VWC2: variants seen among roughly 807,000 people sequenced by gnomAD.
VWC2 encodes the protein von Willebrand factor C domain containing 2.
Under a neutral mutation model 29.8 loss-of-function variants are expected in VWC2, and 14 were observed. That is an observed-to-expected ratio of 0.47 (90% CI 0.31 to 0.74). The LOEUF is 0.74. Ranked by LOEUF, VWC2 falls within the 30% of genes least tolerant of loss-of-function variation. VWC2 has a pLI of 0.05. For synonymous variants in VWC2, 213 were observed against 199.0 expected, an observed-to-expected ratio of 1.07 and a Z score of -0.59; for missense variants, 457 against 459.8, an observed-to-expected ratio of 0.99 and a Z score of 0.05.
In VWC2 at chr7:49,782,210, T is replaced by G. The variant is rs142169321; in HGVS notation, c.696+6079T>G. Among the ~76,000 whole-genome samples, 427 of 152,308 alleles carry G rather than the reference T, an allele frequency of 2.8e-3. 4 individuals are homozygous for G. Among genetic ancestry groups the G allele is most frequent in the African/African-American group, 1.0e-2 (415 of 41,566 alleles). On this transcript the variant is annotated intron_variant, in intron 2 of 3. Coordinates refer to ENST00000340652, the MANE Select transcript of VWC2 (RefSeq NM_198570.5). Reference sequence around the variant, plus strand: ...TGCCCCTTTGGGAGGGCATTTGTTTTCCAGCTGACCACACCCCCCTTGCAG... The same window carrying G: ...TGCCCCTTTGGGAGGGCATTTGTTTGCCAGCTGACCACACCCCCCTTGCAG...
At chr7:49,820,049 T>C (rs914803815) in intron 3 of VWC2, among the ~76,000 whole-genome samples, 12 of 113,364 alleles carry the variant, frequency 1.1e-4, no homozygotes, top group African/African-American at 1.6e-4. Context: ...TAAAGTGAGA[T>C]TAGAAACACC....
At chr7:49,891,572 G>A (rs1315979294) in intron 3 of VWC2, among the ~76,000 whole-genome samples, 3 of 152,044 alleles carry the variant, frequency 2.0e-5, no homozygotes, top group African/African-American at 4.8e-5. Flanking sequence ...GCCACCATTC[G>A]ATACTATTGC....
intron 2 of VWC2, among the ~76,000 whole-genome samples, chr7:49,791,419 A>G (rs1355431175): frequency 1.3e-5 from 2 of 152,236 alleles, no homozygotes; most frequent in African/African-American, 4.8e-5. Context: ...GTCAAAATGA[A>G]TACAACAAAA....
intron 3 of VWC2, among the ~76,000 whole-genome samples, chr7:49,861,976 A>G (rs1790667973): frequency 6.6e-6 from 1 of 152,210 alleles, no homozygotes; most frequent in Admixed American, 6.5e-5. Context: ...GTGCAATTCC[A>G]TATGAATTTT....
chr7:49,818,981 C>T (rs545809060), intron 3 of VWC2, among the ~76,000 whole-genome samples: 1 of 152,056 alleles, frequency 6.6e-6, no homozygotes, highest in African/African-American at 2.4e-5. Flanking sequence ...TTAATGTTTA[C>T]GAAAAGTGTC....
intron 3 of VWC2, among the ~76,000 whole-genome samples, chr7:49,880,037 C>A (rs1406339400): frequency 6.6e-6 from 1 of 152,218 alleles, no homozygotes; most frequent in East Asian, 1.9e-4. Flanking sequence ...ATCATTTTCT[C>A]CCAACTAAAA....
chr7:49,849,162 G>A (rs1790076098), intron 3 of VWC2, among the ~76,000 whole-genome samples: 1 of 152,078 alleles, frequency 6.6e-6, no homozygotes, highest in Admixed American at 6.5e-5. Flanking sequence ...ACAGTCCCAG[G>A]GAAACCCCAC....
At chr7:49,870,637 A>G (rs1191470118) in intron 3 of VWC2, among the ~76,000 whole-genome samples, 1 of 152,200 alleles carries the variant, frequency 6.6e-6, no homozygotes, top group Non-Finnish European at 1.5e-5. Context: ...TATAGCTCAC[A>G]TGTGCATCAG....
At chr7:49,818,465 C>T (rs977827446) in intron 3 of VWC2, among the ~76,000 whole-genome samples, 2 of 152,016 alleles carry the variant, frequency 1.3e-5, no homozygotes, top group Non-Finnish European at 2.9e-5. Context: ...TGTCTTATGC[C>T]AGTCTGATGT....
intron 3 of VWC2, among the ~76,000 whole-genome samples, chr7:49,823,881 A>G (rs1344781143): frequency 1.3e-5 from 2 of 152,100 alleles, no homozygotes; most frequent in East Asian, 3.9e-4. Flanking sequence ...GTTGATAGCC[A>G]TTTTTATGTC....
intron 3 of VWC2, among the ~76,000 whole-genome samples, chr7:49,888,941 A>G (rs551907426): frequency 2.3e-4 from 35 of 152,026 alleles, no homozygotes; most frequent in Non-Finnish European, 4.9e-4. Flanking sequence ...ACAAAAAAAA[A>G]CAAAAGAAGT....
intron 2 of VWC2, among the ~76,000 whole-genome samples, chr7:49,794,134 T>A (rs1039697720): frequency 6.6e-6 from 1 of 152,170 alleles, no homozygotes; most frequent in African/African-American, 2.4e-5. Flanking sequence ...GACCCTCCCA[T>A]TCTAACCTCC....
rs548420582 is a variant in VWC2 at position 49,820,300 on chromosome 7, C to T, written c.826+17460C>T. 2.1e-4 allele frequency among the ~76,000 whole-genome samples: 32 copies of T among 152,184 alleles called. No homozygotes were observed. The East Asian group carries it at 5.0e-3, about 24-fold the overall frequency. ...TCCAGGCACCATGAACGATGATTAC[C>T]GTGGCAGCCCGCAGTCATTATTGAA... On this transcript the variant is annotated intron_variant, in intron 3 of 3. Transcript: ENST00000340652.
chr7:49,897,349 T>TA (rs1379998572), intron 3 of VWC2, among the ~76,000 whole-genome samples: 1 of 151,992 alleles, frequency 6.6e-6, no homozygotes, highest in Non-Finnish European at 1.5e-5. Context: ...GTGAAAAAAA[T>TA]ACAGGTCAAT....
intron 3 of VWC2, among the ~76,000 whole-genome samples, chr7:49,879,026 T>C (rs989170426): frequency 4.6e-5 from 7 of 152,188 alleles, no homozygotes; most frequent in African/African-American, 1.4e-4. Flanking sequence ...TCTTAAATTT[T>C]TGTCTCTTTG....
At chr7:49,908,828 A>C (rs1016914400) in intron 3 of VWC2, among the ~76,000 whole-genome samples, 2 of 152,224 alleles carry the variant, frequency 1.3e-5, no homozygotes, top group African/African-American at 4.8e-5. Context: ...CCATTAGCCA[A>C]ATTTTGGATA....
chr7:49,853,711 T>A (rs1562732778), intron 3 of VWC2, among the ~76,000 whole-genome samples: 2 of 152,130 alleles, frequency 1.3e-5, no homozygotes, highest in Admixed American at 1.3e-4. Context: ...TAAAAACATT[T>A]AATTTTTTAT....
chr7:49,888,879 C>T (rs1165558888), intron 3 of VWC2, among the ~76,000 whole-genome samples: 1 of 152,026 alleles, frequency 6.6e-6, no homozygotes, highest in Non-Finnish European at 1.5e-5. Flanking sequence ...CCATCACAGT[C>T]TAGCCTGGGG....
chr7:49,892,302 T>A (rs1792177174), intron 3 of VWC2, among the ~76,000 whole-genome samples: 1 of 151,936 alleles, frequency 6.6e-6, no homozygotes, highest in Non-Finnish European at 1.5e-5. Flanking sequence ...CGCCTCGGCC[T>A]CCCAAAGTGC....
Sources: gnomAD v4.1 joint callset for allele counts (sites outside exome capture counted in the v4.1 genomes callset) on GRCh38, gnomAD v4.1.1 for gene constraint, MANE v1.5 for transcripts, NCBI Gene and HGNC (gene_info 2026-07-23, HGNC 2026-07-21) for gene names.